The following HMCN2 variants were observed in gnomAD, a reference collection of about 807,000 sequenced individuals.
The protein encoded by HMCN2 is hemicentin 2.
Under a neutral mutation model 377.5 loss-of-function variants are expected in HMCN2, and 325 were observed. That is an observed-to-expected ratio of 0.86 (90% CI 0.79 to 0.94). The LOEUF is 0.94. Among genes scored for constraint, HMCN2 ranks in the 40% least tolerant of loss-of-function variants. HMCN2 has a pLI of 0.00. For synonymous variants in HMCN2, 2,007 were observed against 2,046.8 expected (o/e 0.98, Z 0.53); for missense variants, 4,543 against 4,725.3 (o/e 0.96, Z 1.13).
Position 130,299,185 on chromosome 9 carries a change from C to T in HMCN2, c.1173C>T (p.Phe391=), listed in dbSNP as rs1554933316. Residue 391 remains phenylalanine (F), a synonymous_variant, in exon 8 of 98, where the codon TTC becomes TTT. Coordinates refer to ENST00000683500, the MANE Select transcript of HMCN2 (RefSeq NM_001291815.2). ...ATCAGCTGTGGGGCGGGCCGCCCTT[C>T]CACACCCCCAAGGAGCGCTTCTACC... ...STHQLWGGPP[F]HTPKERFYLK... is the part of the protein sequence containing the mutation. 2.1e-6 allele frequency: 1 copy of T among 471,198 alleles called. No individual in the cohort carries two copies. Among genetic ancestry groups the T allele is most frequent in the Non-Finnish European group, 4.4e-6 (1 of 227,056 alleles). The allele number at this position is 471,198 out of a possible 1,614,324, so 29.2% of individuals were successfully genotyped here. A position where few individuals can be genotyped will look rare whatever the true frequency, so the allele number is the denominator to read the frequency against.
Position 130,303,400 on chromosome 9 carries a change from TG to T in HMCN2, c.1422-84del. On this transcript the variant is annotated intron_variant, in intron 9 of 97. Coordinates refer to ENST00000683500, the MANE Select transcript of HMCN2 (RefSeq NM_001291815.2). The surrounding 1 kb of genome is among the most constrained non-coding windows in gnomAD (Gnocchi z 5.2). ...CACAGAGGAATTGGGGTCTCTCGTTTGGGCAGGATTCAGGGGACTGAAGTCG... is the reference window on the plus strand; with the variant it reads ...CACAGAGGAATTGGGGTCTCTCGTTTGGCAGGATTCAGGGGACTGAAGTCG... 1 of 339,706 alleles carries T rather than the reference TG, an allele frequency of 2.9e-6. No homozygotes were observed. Among genetic ancestry groups the T allele is most frequent in the South Asian group, 2.2e-5 (1 of 45,246 alleles). The allele number at this position is 339,706 out of a possible 1,614,324, so 21.0% of individuals were successfully genotyped here.
At chr9:130,377,602 C>G in intron 52 of HMCN2, 47 bp from the exon 53 acceptor site, 1 of 973,502 alleles carries the variant, frequency 1.0e-6, no homozygotes, top group Non-Finnish European at 1.2e-6. Context: ...GCTCGTGGCC[C>G]CTCATTTCTG....
At chr9:130,404,442 C>T (rs866860069) in intron 80 of HMCN2, among the ~76,000 whole-genome samples, 2 of 152,288 alleles carry the variant, frequency 1.3e-5, no homozygotes, top group Admixed American at 1.3e-4. Context: ...CGCTGGTCAC[C>T]AGACCAGCCA....
intron 8 of HMCN2, 74 bp downstream of exon 8, chr9:130,299,362 G>A (rs974194378): frequency 2.7e-5 from 10 of 375,886 alleles, no homozygotes; most frequent in African/African-American, 2.1e-4. Context: ...AGCCTTCCCT[G>A]ACTGGATTAG....
chr9:130,363,704 T>C (rs1226274316), intron 40 of HMCN2, among the ~76,000 whole-genome samples: 2 of 151,456 alleles, frequency 1.3e-5, no homozygotes, highest in Non-Finnish European at 2.9e-5. Context: ...GTGCCTGTAG[T>C]CCCAGCTACT....
At chr9:130,379,859 GT>G (rs950393887) in intron 54 of HMCN2, among the ~76,000 whole-genome samples, 3 of 151,876 alleles carry the variant, frequency 2.0e-5, no homozygotes, top group East Asian at 1.9e-4. Flanking sequence ...TTGTGTCTGG[GT>G]TTTTTTTCTA....
At chr9:130,409,635 C>T (rs3926856) in intron 84 of HMCN2, among the ~76,000 whole-genome samples, 79,995 of 152,166 alleles carry the variant, frequency 0.53, 22,517 homozygotes, top group Non-Finnish European at 0.64. Context: ...GGGCCAGGCA[C>T]GGGGCCTTGC....
chr9:130,402,948 G>A (rs1221651509), intron 78 of HMCN2, 52 bp downstream of exon 78: 1 of 1,252,840 alleles, frequency 8.0e-7, no homozygotes, highest in Non-Finnish European at 1.0e-6. Context: ...GGGAGCAGGT[G>A]GAGAGCCAGA....
At position 130,358,002 on chromosome 9, in the gene HMCN2, C is replaced by T; in HGVS notation, c.5580+14C>T. On this transcript the variant is annotated intron_variant, in intron 35 of 97. Transcript: ENST00000683500. Reference sequence around the variant, plus strand: ...GGGAACCTACAGGTATGTGCAGGGGCCCCAGGGCTGGCAAGCCAGCTGGGC... The same window carrying T: ...GGGAACCTACAGGTATGTGCAGGGGTCCCAGGGCTGGCAAGCCAGCTGGGC... 1 of 1,297,186 alleles carries T rather than the reference C, an allele frequency of 7.7e-7. No individual in the cohort carries two copies. The highest frequency in any genetic ancestry group is 1.0e-6 in the Non-Finnish European group (1 of 984,338). 80.4% of individuals were successfully genotyped at this position (1,297,186 alleles called of 1,614,324 possible).
At chr9:130,295,304 C>T (rs1836064776) in intron 5 of HMCN2, among the ~76,000 whole-genome samples, 1 of 152,076 alleles carries the variant, frequency 6.6e-6, no homozygotes, top group South Asian at 2.1e-4. Flanking sequence ...CCAGTGGATT[C>T]TCATGGTGGT....
At position 130,302,850 on chromosome 9, in the gene HMCN2, C is replaced by T. The variant is rs1836592372; in HGVS notation, c.1277-7C>T. ...GAGACATTCTGAGTCCTGGTCCCCG[C>T]CTACAGGCGCTCCCCTCGTCAGCAT... On this transcript the variant is annotated splice_polypyrimidine_tract_variant and splice_region_variant and intron_variant, in intron 8 of 97. Transcript: ENST00000683500. 2.2e-6 allele frequency: 1 copy of T among 461,152 alleles called. No homozygotes were observed. Among genetic ancestry groups the T allele is most frequent in the Non-Finnish European group, 4.5e-6 (1 of 221,466 alleles). The allele number at this position is 461,152 out of a possible 1,614,324, so 28.6% of individuals were successfully genotyped here. A position where few individuals can be genotyped will look rare whatever the true frequency, so the allele number is the denominator to read the frequency against.
At chr9:130,431,957 C>G (rs888933131) in intron 96 of HMCN2, among the ~76,000 whole-genome samples, 4 of 152,210 alleles carry the variant, frequency 2.6e-5, no homozygotes, top group East Asian at 1.9e-4. Flanking sequence ...GGGCTGGGGC[C>G]GGTCATGCTG....
At chr9:130,419,765 A>G (rs886194904) in intron 86 of HMCN2, among the ~76,000 whole-genome samples, 2 of 151,974 alleles carry the variant, frequency 1.3e-5, no homozygotes, top group East Asian at 1.9e-4. Context: ...TCACTAATCT[A>G]TCACCACATG....
At chr9:130,374,187 A>ATGGATGGT (rs1439830855) in intron 48 of HMCN2, among the ~76,000 whole-genome samples, 1 of 140,612 alleles carries the variant, frequency 7.1e-6, no homozygotes, top group Non-Finnish European at 1.6e-5. Context: ...AGGTAGATGA[A>ATGGATGGT]TGGATGGTTG....
chr9:130,290,181 C>T (rs938001439), intron 4 of HMCN2, among the ~76,000 whole-genome samples: 8 of 152,208 alleles, frequency 5.3e-5, no homozygotes, highest in South Asian at 2.1e-4. Context: ...AGGCTCTCTG[C>T]GCTGGAGCCC....
chr9:130,355,726 G>A lies in HMCN2; in HGVS notation c.5147-20G>A. On this transcript the variant is annotated intron_variant, in intron 32 of 97. Coordinates refer to ENST00000683500, the MANE Select transcript of HMCN2 (RefSeq NM_001291815.2). The stretch of plus-strand genomic sequence containing the variant: ...GTGGCTGCTCAGCTCCAAACACCCA[G>A]GAGTGTGTTCTGCCTGCAGTGCCCC... 7.8e-7 allele frequency: 1 copy of A among 1,274,486 alleles called. No individual in the cohort carries two copies. Among genetic ancestry groups the A allele is most frequent in the Non-Finnish European group, 1.0e-6 (1 of 963,156 alleles). The allele number at this position is 1,274,486 out of a possible 1,614,324, so 78.9% of individuals were successfully genotyped here. A position where few individuals can be genotyped will look rare whatever the true frequency, so the allele number is the denominator to read the frequency against.
intron 1 of HMCN2, among the ~76,000 whole-genome samples, 188 bp from the exon 2 acceptor site, chr9:130,284,415 A>G (rs551200426): frequency 6.6e-6 from 1 of 152,162 alleles, no homozygotes; most frequent in Admixed American, 6.5e-5. Flanking sequence ...GGCATGGGGC[A>G]GAGTGGTGTG....
In HMCN2 at chr9:130,396,008, T is replaced by C; in HGVS notation, c.10996T>C (p.Cys3666Arg). The change falls in exon 72 of 98, where the codon TGC becomes CGC. Residue 3666 changes from cysteine to arginine, a missense_variant. Physicochemically the swap from Cys to Arg is radical, Grantham distance 180 (BLOSUM62 -3). Transcript: ENST00000683500. The stretch of plus-strand genomic sequence containing the variant: ...CACGGCTGACAGCGGCGACTACAGC[T>C]GCACAGCCCGCAACGCCGCAGGCAG... ...LSTADSGDYS[C>R]TARNAAGSTS... 1 of 1,287,500 alleles carries C rather than the reference T, an allele frequency of 7.8e-7. No individual in the cohort carries two copies. Among genetic ancestry groups the C allele is most frequent in the Non-Finnish European group, 1.0e-6 (1 of 988,734 alleles). 79.8% of individuals were successfully genotyped at this position (1,287,500 alleles called of 1,614,324 possible).
chr9:130,433,305 G>A (rs1443173278), intron 97 of HMCN2, 43 bp from the exon 98 acceptor site: 20 of 1,370,962 alleles, frequency 1.5e-5, no homozygotes, highest in Non-Finnish European at 1.8e-5. Context: ...CGCTCCGACC[G>A]CACCCCCGAG....
Sources: allele counts gnomAD v4.1 joint callset (sites outside exome capture counted in the v4.1 genomes callset), GRCh38; gene constraint gnomAD v4.1.1; non-coding constraint Gnocchi (gnomAD v3.1); transcripts MANE v1.5; gene names NCBI Gene and HGNC (gene_info 2026-07-23, HGNC 2026-07-21).